COPG1: variants seen among roughly 807,000 people sequenced by gnomAD.
COPG1 encodes the protein coatomer subunit gamma-1.
Under a neutral mutation model 102.8 loss-of-function variants are expected in COPG1, and 29 were observed. The observed-to-expected ratio is 0.28, with a 90% CI of 0.21 to 0.38. The LOEUF is 0.38. Ranked by LOEUF, COPG1 falls within the 10% of genes least tolerant of loss-of-function variation. COPG1 has a pLI of 1.00. For synonymous variants in COPG1, 406 were observed against 421.6 expected (o/e 0.96, Z 0.45); for missense variants, 875 against 1,132.7 (o/e 0.77, Z 3.27).
chr3:129,276,888 A>G (rs1171233928), intron 23 of COPG1, among the ~76,000 whole-genome samples: 7 of 148,520 alleles, frequency 4.7e-5, no homozygotes, highest in African/African-American at 1.5e-4. Context: ...CAGTGGCACA[A>G]TCTCTGCTCG....
In COPG1 at chr3:129,255,003, A is replaced by G. The variant is rs367768969; in HGVS notation, c.418A>G (p.Ile140Val). The change falls in exon 7 of 24, where the codon ATT becomes GTT. Residue 140 changes from isoleucine to valine, a missense_variant. By Grantham distance (29) the Ile-to-Val change is conservative. Transcript: ENST00000314797. ...QITDSTMLQA[I>V]ERYMKQAIVD... The stretch of plus-strand genomic sequence containing the variant: ...CCCACAGAGCACCATGCTGCAGGCT[A>G]TTGAGCGCTACATGAAACAAGCCAT... The G allele has an allele frequency of 2.4e-5, 38 of 1,613,514 alleles. 1 individual carries two copies. The highest frequency in any genetic ancestry group is 2.1e-4 in the African/African-American group (16 of 74,994).
chr3:129,267,982 C>T lies in COPG1; in HGVS notation c.1590C>T (p.Phe530=). 1 of 1,614,154 alleles carries T rather than the reference C, an allele frequency of 6.2e-7. No homozygotes were observed. The highest frequency in any genetic ancestry group is 8.5e-7 in the Non-Finnish European group (1 of 1,180,004). ...ATGAAGTAAGGGACCGAGCCACCTT[C>T]TACCTAAATGTCCTGGAGCAGAAGC... ...DDNEVRDRAT[F]YLNVLEQKQK... Residue 530 remains phenylalanine (F), a synonymous_variant, in exon 16 of 24, where the codon TTC becomes TTT. Coordinates refer to ENST00000314797, the MANE Select transcript of COPG1 (RefSeq NM_016128.4).
At chr3:129,256,860 C>T (rs1939820637) in intron 8 of COPG1, among the ~76,000 whole-genome samples, 1 of 152,210 alleles carries the variant, frequency 6.6e-6, no homozygotes, top group African/African-American at 2.4e-5. Context: ...TATCTTTGCC[C>T]CCAAATGTCG....
chr3:129,272,459 TG>T, intron 20 of COPG1, 44 bp downstream of exon 20: 2 of 1,552,544 alleles, frequency 1.3e-6, no homozygotes, highest in Non-Finnish European at 1.8e-6. Flanking sequence ...TGGGAGCTCA[TG>T]GGGTCAGGAG....
chr3:129,252,710 C>G lies in COPG1; in HGVS notation c.243+16C>G, dbSNP rs1408035252. Reference sequence around the variant, plus strand: ...GTCCAATGATGTAAGTGCCTCAACCCAGCTTTCCTTGAGAGGTGGCAGCTG... The same window carrying G: ...GTCCAATGATGTAAGTGCCTCAACCGAGCTTTCCTTGAGAGGTGGCAGCTG... On this transcript the variant is annotated intron_variant, in intron 4 of 23. Transcript: ENST00000314797. 3.1e-6 allele frequency: 5 copies of G among 1,612,476 alleles called. No individual in the cohort carries two copies. The highest frequency in any genetic ancestry group is 4.2e-6 in the Non-Finnish European group (5 of 1,178,690).
chr3:129,259,605 A>G (rs905993596), intron 10 of COPG1, among the ~76,000 whole-genome samples: 1 of 152,176 alleles, frequency 6.6e-6, no homozygotes, highest in Non-Finnish European at 1.5e-5. Context: ...ATAAGCATTA[A>G]GAAAAATTTT....
At chr3:129,255,179 C>CT (rs56978948) in intron 7 of COPG1, 102 bp downstream of exon 7, 50,130 of 597,438 alleles carry the variant, frequency 0.084, 3,409 homozygotes, top group African/African-American at 0.38. Flanking sequence ...TTCTTTCTTT[C>CT]TTTTTTTTTT....
rs565119890 is a variant in COPG1 at position 129,252,714 on chromosome 3, TTTCC to T, written c.243+23_243+26del. On this transcript the variant is annotated intron_variant, in intron 4 of 23. Coordinates refer to ENST00000314797, the MANE Select transcript of COPG1 (RefSeq NM_016128.4). ...AATGATGTAAGTGCCTCAACCCAGCTTTCCTTGAGAGGTGGCAGCTGTAACAAGG... is the reference window on the plus strand; with the variant it reads ...AATGATGTAAGTGCCTCAACCCAGCTTTGAGAGGTGGCAGCTGTAACAAGG... 1.9e-5 allele frequency: 31 copies of T among 1,611,794 alleles called. No homozygotes were observed. In the East Asian group the frequency reaches 4.7e-4, roughly 24 times the overall value.
chr3:129,274,382 A>T (rs1393841863), intron 21 of COPG1, among the ~76,000 whole-genome samples: 1 of 152,150 alleles, frequency 6.6e-6, no homozygotes, highest in African/African-American at 2.4e-5. Context: ...GATCTGTCAA[A>T]TCCAGAGGAC....
chr3:129,257,129 C>G (rs969614766), intron 8 of COPG1, among the ~76,000 whole-genome samples: 1 of 152,236 alleles, frequency 6.6e-6, no homozygotes, highest in African/African-American at 2.4e-5. Context: ...CCCACCTTCT[C>G]TCTCTCATTG....
chr3:129,271,961 C>G lies in COPG1; in HGVS notation c.1986+52C>G. The stretch of plus-strand genomic sequence containing the variant: ...TGGGGCATGCGCCCAGGGAGTTGTC[C>G]CAGGTCTGGCAGGTCCTGTAGGGTC... On this transcript the variant is annotated intron_variant, in intron 19 of 23. Coordinates refer to ENST00000314797, the MANE Select transcript of COPG1 (RefSeq NM_016128.4). The surrounding 1 kb of genome is among the most constrained non-coding windows in gnomAD (Gnocchi z 4.7). The G allele has an allele frequency of 6.3e-7, 1 of 1,594,154 alleles. No homozygotes were observed. Among genetic ancestry groups the G allele is most frequent in the Non-Finnish European group, 8.6e-7 (1 of 1,169,498 alleles).
At position 129,255,094 on chromosome 3, in the gene COPG1, G is replaced by A. The variant is rs773222486; in HGVS notation, c.492+17G>A. 8 of 1,576,914 alleles carry A rather than the reference G, an allele frequency of 5.1e-6. No homozygotes were observed. The East Asian group carries it at 1.6e-4, about 31-fold the overall frequency. On this transcript the variant is annotated intron_variant, in intron 7 of 23. Coordinates refer to ENST00000314797, the MANE Select transcript of COPG1 (RefSeq NM_016128.4). ...TCTTCCTTGGTGTGTAGTTGCTGCT[G>A]GAGCCCTGCTGGGGGTGGGGTAGAA...
At position 129,275,168 on chromosome 3, in the gene COPG1, A is replaced by C. The variant is rs774986068; in HGVS notation, c.2396-26A>C. 2 of 1,602,674 alleles carry C rather than the reference A, an allele frequency of 1.2e-6. No homozygotes were observed. Among genetic ancestry groups the C allele is most frequent in the East Asian group, 4.5e-5 (2 of 44,778 alleles). ...GCACAAAGGGCAGATAAGATGGCTT[A>C]ACAATATTGGGATTTCTCATTACAG... On this transcript the variant is annotated intron_variant, in intron 22 of 23. Transcript: ENST00000314797. The surrounding 1 kb of genome is among the most constrained non-coding windows in gnomAD (Gnocchi z 5.0).
At chr3:129,273,092 G>A (rs775597582) in intron 21 of COPG1, among the ~76,000 whole-genome samples, 188 bp downstream of exon 21, 15 of 151,986 alleles carry the variant, frequency 9.9e-5, no homozygotes, top group South Asian at 4.2e-4. Context: ...GCGCGATCTC[G>A]GCTCACTGCA....
At chr3:129,277,071 C>T (rs757029721) in intron 23 of COPG1, among the ~76,000 whole-genome samples, 4 of 151,956 alleles carry the variant, frequency 2.6e-5, no homozygotes, top group Non-Finnish European at 4.4e-5. Context: ...ATCTGCCCAC[C>T]TCAGCCTCCC....
At chr3:129,268,210 A>G (rs915759176) in intron 16 of COPG1, among the ~76,000 whole-genome samples, 170 bp downstream of exon 16, 1 of 152,070 alleles carries the variant, frequency 6.6e-6, no homozygotes, top group African/African-American at 2.4e-5. Flanking sequence ...GTCACACCTG[A>G]ATTGGGTGGA....
intron 2 of COPG1, among the ~76,000 whole-genome samples, 189 bp from the exon 3 acceptor site, chr3:129,252,092 G>A (rs1297442475): frequency 6.6e-6 from 1 of 152,180 alleles, no homozygotes; most frequent in South Asian, 2.1e-4. Context: ...ATATTTACAC[G>A]AGAGTCTAAG....
Position 129,272,337 on chromosome 3 carries a change from C to T in COPG1, c.2080C>T (p.Pro694Ser), listed in dbSNP as rs989869991. The change falls in exon 20 of 24, where the codon CCT (proline) becomes TCT (serine). Residue 694 changes from proline to serine, a missense_variant. Coordinates refer to ENST00000314797, the MANE Select transcript of COPG1 (RefSeq NM_016128.4). ...GGCCTATGAGGTGCTCTGTTACGTGCCTGCCCGGAGCCTGCCCTACAACCA... is the reference window on the plus strand; with the variant it reads ...GGCCTATGAGGTGCTCTGTTACGTGTCTGCCCGGAGCCTGCCCTACAACCA... ...TEAYEVLCYV[P>S]ARSLPYNQPG... The T allele has an allele frequency of 2.5e-6, 4 of 1,613,978 alleles. No individual in the cohort carries two copies. In the African/African-American group the frequency reaches 4.0e-5, roughly 16 times the overall value.
intron 5 of COPG1, 142 bp downstream of exon 5, chr3:129,253,097 C>T (rs1464417205): frequency 3.2e-6 from 2 of 630,846 alleles, no homozygotes; most frequent in East Asian, 5.5e-5. Flanking sequence ...CACTGCCCAC[C>T]CCATGGCAGC....
Sources: gnomAD v4.1 joint callset for allele counts (sites outside exome capture counted in the v4.1 genomes callset) on GRCh38, gnomAD v4.1.1 for gene constraint, Gnocchi (gnomAD v3.1) non-coding constraint, MANE v1.5 for transcripts, NCBI Gene and HGNC (gene_info 2026-07-23, HGNC 2026-07-21) for gene names.